The following C15orf39 variants were observed in gnomAD, a reference collection of about 807,000 sequenced individuals.
C15orf39 encodes the protein PRMT2 interacting protein.
Under a neutral mutation model 53.9 loss-of-function variants are expected in C15orf39, and 24 were observed. That is an observed-to-expected ratio of 0.45 (90% CI 0.32 to 0.63). C15orf39 has a LOEUF of 0.63. C15orf39 is among the 20% of genes least tolerant of loss of function. The pLI is 0.04. For missense variants in C15orf39, 1,271 were observed against 1,347.9 expected (o/e 0.94, Z 0.89); for synonymous variants, 569 against 576.5 (o/e 0.99, Z 0.19).
Position 75,211,297 on chromosome 15 carries a change from G to A in C15orf39, c.*181G>A. On this transcript the variant is annotated 3_prime_UTR_variant, in exon 3 of 3. Coordinates refer to ENST00000394987, the MANE Select transcript of C15orf39 (RefSeq NM_015492.5). ...GAGCCCCTGAGCTTTTAACGTGAGG[G>A]TCTTTATTGGATAGGACTACTCCCT... is the stretch of plus-strand genomic sequence containing the variant. 6.8e-6 allele frequency: 5 copies of A among 737,522 alleles called. No homozygotes were observed. Among genetic ancestry groups the A allele is most frequent in the Non-Finnish European group, 1.1e-5 (5 of 474,514 alleles). The allele number at this position is 737,522 out of a possible 1,614,324, so 45.7% of individuals were successfully genotyped here.
At position 75,207,817 on chromosome 15, in the gene C15orf39, C is replaced by T. The variant is rs2141600153; in HGVS notation, c.1769C>T (p.Ala590Val). 2.5e-6 allele frequency: 4 copies of T among 1,612,374 alleles called. No homozygotes were observed. The highest frequency in any genetic ancestry group is 3.4e-6 in the Non-Finnish European group (4 of 1,179,422). ...KPTAEASPVKASRSVEHAKPT... is the reference protein window; with the variant it reads ...KPTAEASPVKVSRSVEHAKPT... Reference sequence around the variant, plus strand: ...ACAGCAGAGGCCTCCCCTGTCAAGGCTTCCCGTTCTGTGGAGCATGCCAAG... The same window carrying T: ...ACAGCAGAGGCCTCCCCTGTCAAGGTTTCCCGTTCTGTGGAGCATGCCAAG... Residue 590 changes from alanine (A) to valine (V), a missense_variant, in exon 2 of 3, where the codon GCT (alanine) becomes GTT (valine). By Grantham distance (64) the Ala-to-Val change is moderately conservative. This residue lies in a region of C15orf39 where 994 missense variants were observed against 993.7 expected (regional missense o/e 1.00). Coordinates refer to ENST00000394987, the MANE Select transcript of C15orf39 (RefSeq NM_015492.5).
In C15orf39 at chr15:75,201,887, G is replaced by A. The variant is rs1326422541; in HGVS notation, c.-223G>A. 1 of 151,930 alleles carries A rather than the reference G, an allele frequency of 6.6e-6. No individual in the cohort carries two copies. Among genetic ancestry groups the A allele is most frequent in the African/African-American group, 2.4e-5 (1 of 41,420 alleles). 9.4% of individuals were successfully genotyped at this position (151,930 alleles called of 1,614,324 possible). On this transcript the variant is annotated 5_prime_UTR_variant, in exon 1 of 3. Coordinates refer to ENST00000394987, the MANE Select transcript of C15orf39 (RefSeq NM_015492.5). This position sits in a 1 kb window ranked among gnomAD's most constrained non-coding sequence, Gnocchi z 4.7. ...CCCGCCCCGCCCGGGACCGCAGACGGCGCCCAGCGGCGGCGCGAACGGCAG... is the reference window on the plus strand; with the variant it reads ...CCCGCCCCGCCCGGGACCGCAGACGACGCCCAGCGGCGGCGCGAACGGCAG...
Position 75,210,831 on chromosome 15 carries a change from T to C in C15orf39, c.2859T>C (p.Ala953=), listed in dbSNP as rs771112648. 1.9e-6 allele frequency: 3 copies of C among 1,613,796 alleles called. No individual in the cohort carries two copies. In the Admixed American group the frequency reaches 5.0e-5, roughly 27 times the overall value. Residue 953 remains alanine (A), a synonymous_variant, in exon 3 of 3, where the codon GCT becomes GCC. Transcript: ENST00000394987. The part of the protein sequence containing the change: ...ARGEPESLAL[A]QKSPAPKVRK... ...GTGAGCCAGAGAGCCTAGCCCTGGCTCAGAAGTCACCGGCCCCCAAGGTCA... is the reference window on the plus strand; with the variant it reads ...GTGAGCCAGAGAGCCTAGCCCTGGCCCAGAAGTCACCGGCCCCCAAGGTCA...
chr15:75,206,260 C>T lies in C15orf39; in HGVS notation c.212C>T (p.Pro71Leu), dbSNP rs780917995. ...TTGGCGTCCTGGACCCCATACCCAC[C>T]CTTGTACTCTACCGGTATGGCAGGA... is the stretch of plus-strand genomic sequence containing the variant. ...EQLASWTPYP[P>L]LYSTGMAGPP... Residue 71 changes from proline (P) to leucine (L), a missense_variant, in exon 2 of 3, where the codon CCC becomes CTC. Transcript: ENST00000394987. The T allele has an allele frequency of 6.2e-7, 1 of 1,614,102 alleles. No homozygotes were observed. Among genetic ancestry groups the T allele is most frequent in the Non-Finnish European group, 8.5e-7 (1 of 1,179,980 alleles).
intron 1 of C15orf39, among the ~76,000 whole-genome samples, chr15:75,205,647 C>T (rs1417584765): frequency 1.3e-5 from 2 of 152,044 alleles, no homozygotes; most frequent in East Asian, 1.9e-4. Context: ...CATAGTAAGA[C>T]CCTGTTTCTA....
chr15:75,201,850 C>T (rs1161254128), upstream of C15orf39: 2 of 151,912 alleles, frequency 1.3e-5, no homozygotes, highest in Non-Finnish European at 2.9e-5. The surrounding 1 kb of genome is among the most constrained non-coding windows in gnomAD (Gnocchi z 4.7). Flanking sequence ...CCCGCCCCCG[C>T]CCCGCCCCCA....
At position 75,212,038 on chromosome 15, in the gene C15orf39, G is replaced by C. The variant is rs550484223; in HGVS notation, c.*922G>C. ...AAGCCAGAGCCCATCAGCCAGGCCT[G>C]CTGTGAGCCACCTGCCTGTGGAGTG... is the stretch of plus-strand genomic sequence containing the variant. On this transcript the variant is annotated 3_prime_UTR_variant, in exon 3 of 3. Coordinates refer to ENST00000394987, the MANE Select transcript of C15orf39 (RefSeq NM_015492.5). The C allele has an allele frequency of 3.3e-5, 5 of 152,432 alleles. No homozygotes were observed. Among genetic ancestry groups the C allele is most frequent in the Non-Finnish European group, 7.3e-5 (5 of 68,100 alleles). The allele number at this position is 152,432 out of a possible 1,614,324, so 9.4% of individuals were successfully genotyped here.
Position 75,207,335 on chromosome 15 carries a change from T to C in C15orf39, c.1287T>C (p.Pro429=). 6.2e-7 allele frequency: 1 copy of C among 1,613,362 alleles called. No homozygotes were observed. The highest frequency in any genetic ancestry group is 1.1e-5 in the South Asian group (1 of 91,074). The change falls in exon 2 of 3, where the codon CCT becomes CCC. Residue 429 remains proline (P), a synonymous_variant. Transcript: ENST00000394987. ...PLPASQPCSE[P]VRPAQEAEEK... ...CAGCGAGCCAGCCCTGCTCAGAGCC[T>C]GTGAGGCCTGCACAGGAAGCCGAAG...
intron 2 of C15orf39, chr15:75,209,552 G>C (rs568161457): frequency 6.6e-6 from 1 of 152,328 alleles, no homozygotes; most frequent in East Asian, 1.9e-4. Flanking sequence ...TTCTTTTAAT[G>C]TCCTGGAGGA....
In C15orf39 at chr15:75,207,779, T is replaced by C. The variant is rs2070451843; in HGVS notation, c.1731T>C (p.Ser577=). 2 of 1,611,438 alleles carry C rather than the reference T, an allele frequency of 1.2e-6. No homozygotes were observed. Among genetic ancestry groups the C allele is most frequent in the Non-Finnish European group, 1.7e-6 (2 of 1,178,960 alleles). Residue 577 remains serine (S), a synonymous_variant, in exon 2 of 3, where the codon AGT becomes AGC. Transcript: ENST00000394987. The part of the protein sequence containing the change: ...SLKEEVALDL[S]VRKPTAEASP... ...AGGAGGAGGTAGCCCTGGATTTGAGTGTGAGGAAGCCCACAGCAGAGGCCT... is the reference window on the plus strand; with the variant it reads ...AGGAGGAGGTAGCCCTGGATTTGAGCGTGAGGAAGCCCACAGCAGAGGCCT...
upstream of C15orf39, among the ~76,000 whole-genome samples, chr15:75,201,683 G>C (rs1377006579): frequency 3.3e-5 from 5 of 152,200 alleles, no homozygotes; most frequent in East Asian, 7.7e-4. This position sits in a 1 kb window ranked among gnomAD's most constrained non-coding sequence, Gnocchi z 4.7. Context: ...GGGCCCGCCG[G>C]GCACTGGTTC....
chr15:75,210,553 T>C (rs540151254), intron 2 of C15orf39, among the ~76,000 whole-genome samples, 196 bp from the exon 3 acceptor site: 29 of 152,332 alleles, frequency 1.9e-4, no homozygotes, highest in Non-Finnish European at 3.7e-4. Flanking sequence ...CCTCATCAGA[T>C]AGAGTTCTGG....
intron 1 of C15orf39, among the ~76,000 whole-genome samples, chr15:75,202,807 G>T (rs1339604747): frequency 2.0e-5 from 3 of 152,274 alleles, no homozygotes; most frequent in Non-Finnish European, 2.9e-5. Flanking sequence ...CGTGGCGGCG[G>T]CCTGTGTGTC....
chr15:75,206,851 A>G lies in C15orf39; in HGVS notation c.803A>G (p.His268Arg). ...GPPCQDTGPT[H>R]YPPPHHPPPH... ...CCCTGTCAGGACACCGGGCCCACCC[A>G]CTACCCACCACCCCACCACCCACCA... The change falls in exon 2 of 3, where the codon CAC becomes CGC. Residue 268 changes from histidine to arginine, a missense_variant. Coordinates refer to ENST00000394987, the MANE Select transcript of C15orf39 (RefSeq NM_015492.5). The G allele has an allele frequency of 8.5e-7, 1 of 1,175,840 alleles. No individual in the cohort carries two copies. The allele number at this position is 1,175,840 out of a possible 1,614,324, so 72.8% of individuals were successfully genotyped here. A position where few individuals can be genotyped will look rare whatever the true frequency, so the allele number is the denominator to read the frequency against.
chr15:75,207,120 A>G lies in C15orf39; in HGVS notation c.1072A>G (p.Lys358Glu). The change falls in exon 2 of 3, where the codon AAG (lysine) becomes GAG (glutamate). Residue 358 changes from lysine to glutamate, a missense_variant. Physicochemically the swap from Lys to Glu is moderately conservative, Grantham distance 56 (BLOSUM62 1). Around this residue, in one of 2 missense-constraint regions of C15orf39, gnomAD observed 994 missense variants for 993.7 expected, o/e 1.00. Transcript: ENST00000394987. ...APLPAPSPGL[K>E]LEPPLTPRCP... ...TCTCCCAGCACCCTCTCCAGGCCTCAAGCTGGAGCCGCCTCTCACTCCACG... is the reference window on the plus strand; with the variant it reads ...TCTCCCAGCACCCTCTCCAGGCCTCGAGCTGGAGCCGCCTCTCACTCCACG... 1.9e-6 allele frequency: 3 copies of G among 1,613,356 alleles called. No individual in the cohort carries two copies. The highest frequency in any genetic ancestry group is 2.5e-6 in the Non-Finnish European group (3 of 1,179,908).
chr15:75,200,786 C>A (rs1299926044), upstream of C15orf39, among the ~76,000 whole-genome samples: 1 of 151,960 alleles, frequency 6.6e-6, no homozygotes. Flanking sequence ...TTCTAAGGTC[C>A]TTCCAGCTCT....
intron 1 of C15orf39, among the ~76,000 whole-genome samples, chr15:75,204,586 C>T (rs2070425520): frequency 6.6e-6 from 1 of 152,204 alleles, no homozygotes; most frequent in Non-Finnish European, 1.5e-5. Flanking sequence ...TGGCTCACTG[C>T]AACCTCTGCC....
intron 1 of C15orf39, among the ~76,000 whole-genome samples, chr15:75,204,615 CT>C (rs2070425751): frequency 6.6e-6 from 1 of 152,218 alleles, no homozygotes; most frequent in African/African-American, 2.4e-5. Flanking sequence ...TCACGCAATT[CT>C]CCTGCCTCAG....
In C15orf39 at chr15:75,206,223, G is replaced by A. The variant is rs2070436669; in HGVS notation, c.175G>A (p.Glu59Lys). Residue 59 changes from glutamate to lysine, a missense_variant, in exon 2 of 3, where the codon GAG (glutamate) becomes AAG (lysine). Physicochemically the swap from Glu to Lys is moderately conservative, Grantham distance 56. Coordinates refer to ENST00000394987, the MANE Select transcript of C15orf39 (RefSeq NM_015492.5). ...CCCCATGGCAGGTACTCCTAAGGCC[G>A]AGTCTGAGCAGTTGGCGTCCTGGAC... The part of the protein sequence containing the change: ...SCPMAGTPKA[E>K]SEQLASWTPY... The A allele has an allele frequency of 8.7e-6, 14 of 1,613,952 alleles. No individual in the cohort carries two copies. The highest frequency in any genetic ancestry group is 1.3e-5 in the African/African-American group (1 of 74,886).
Sources: gnomAD v4.1 joint callset for allele counts (sites outside exome capture counted in the v4.1 genomes callset) on GRCh38, gnomAD v4.1.1 for gene constraint, gnomAD v4.1.1 regional missense constraint, Gnocchi (gnomAD v3.1) non-coding constraint, MANE v1.5 for transcripts, NCBI Gene and HGNC (gene_info 2026-07-23, HGNC 2026-07-21) for gene names.